The following ZYG11A variants were observed in gnomAD, a reference collection of about 807,000 sequenced individuals.
ZYG11A encodes zyg-11 family member A, cell cycle regulator, also known as protein zyg-11 homolog A.
In ZYG11A, 62 loss-of-function variants were observed where a neutral mutation model predicts 77.2. That is an observed-to-expected ratio of 0.80 (90% CI 0.65 to 0.99). The LOEUF (loss-of-function observed/expected upper bound fraction) is 0.99. Ranked by LOEUF, ZYG11A falls within the 50% of genes least tolerant of loss-of-function variation. The pLI, the probability that ZYG11A is intolerant of heterozygous loss-of-function variation, is 0.00. For synonymous variants in ZYG11A, 315 were observed against 324.6 expected, an observed-to-expected ratio of 0.97 and a Z score of 0.32; for missense variants, 828 against 896.8, an observed-to-expected ratio of 0.92 and a Z score of 0.98.
At position 52,874,951 on chromosome 1, in the gene ZYG11A, A is replaced by G. The variant is rs1646236271; in HGVS notation, c.1543-2731A>G. On this transcript the variant is annotated intron_variant, in intron 8 of 13. Transcript: ENST00000371528. ...ATTATAGTGTAAACATAGCTTTTGT[A>G]TGCAGTGGGAAAACAAATTTGTGTT... 5.9e-5 allele frequency among the ~76,000 whole-genome samples: 9 copies of G among 152,366 alleles called. No individual in the cohort carries two copies. In the South Asian group the frequency reaches 1.9e-3, roughly 32 times the overall value.
At chr1:52,859,667 CTTTTTTTTTTT>C (rs60756718) in intron 3 of ZYG11A, among the ~76,000 whole-genome samples, 6 of 42,906 alleles carry the variant, frequency 1.4e-4, no homozygotes, top group East Asian at 8.4e-4. Flanking sequence ...TGTGTATTGC[CTTTTTTTTTTT>C]TTTTTTTTTT....
chr1:52,869,992 G>C (rs1219068594), intron 8 of ZYG11A, among the ~76,000 whole-genome samples: 1 of 151,134 alleles, frequency 6.6e-6, no homozygotes, highest in Non-Finnish European at 1.5e-5. Context: ...CCCGGGCGGG[G>C]CGGCTGCCGG....
intron 5 of ZYG11A, among the ~76,000 whole-genome samples, chr1:52,865,451 A>C (rs75435337): frequency 0.027 from 4,051 of 152,318 alleles, 142 homozygotes; most frequent in East Asian, 0.18. Flanking sequence ...TAAACTACCT[A>C]GTCATTCCAC....
intron 11 of ZYG11A, among the ~76,000 whole-genome samples, chr1:52,884,858 G>C (rs1646420119): frequency 6.6e-6 from 1 of 151,968 alleles, no homozygotes. Context: ...GAAGAAATCG[G>C]GGAGTCCGAA....
chr1:52,843,980 C>G (rs1313076754), intron 1 of ZYG11A, among the ~76,000 whole-genome samples: 1 of 151,998 alleles, frequency 6.6e-6, no homozygotes, highest in Admixed American at 6.5e-5. Context: ...GCCACCGTGC[C>G]CGGCCAAGTG....
intron 3 of ZYG11A, among the ~76,000 whole-genome samples, chr1:52,859,709 G>T (rs1327285228): frequency 8.4e-6 from 1 of 119,620 alleles, no homozygotes. Flanking sequence ...ACAGAGTCTC[G>T]GTCTGTCACC....
chr1:52,869,891 G>T (rs1174703242), intron 8 of ZYG11A, among the ~76,000 whole-genome samples: 32 of 100,004 alleles, frequency 3.2e-4, no homozygotes, highest in African/African-American at 6.4e-4. Flanking sequence ...CGGACGGGGC[G>T]GCTGGCCGGG....
intron 1 of ZYG11A, among the ~76,000 whole-genome samples, chr1:52,851,143 C>G (rs1645702492): frequency 6.6e-6 from 1 of 151,778 alleles, no homozygotes; most frequent in Non-Finnish European, 1.5e-5. Context: ...CTCCTGGGCT[C>G]AAGCAATTCT....
At chr1:52,854,357 G>C (rs536531913) in intron 1 of ZYG11A, 108 bp from the exon 2 acceptor site, 25 of 1,007,010 alleles carry the variant, frequency 2.5e-5, no homozygotes, top group Non-Finnish European at 3.5e-5. Context: ...TATGAAGGAT[G>C]TATCTTCAGA....
At position 52,842,836 on chromosome 1, in the gene ZYG11A, C is replaced by G. The variant is rs1263793413; in HGVS notation, c.-48C>G. On this transcript the variant is annotated 5_prime_UTR_variant, in exon 1 of 14. Coordinates refer to ENST00000371528, the MANE Select transcript of ZYG11A (RefSeq NM_001004339.3). Reference sequence around the variant, plus strand: ...GCTTGGTTCTCGCGGGATCCGGGCTCCGGCTCGACGCCGGCTCTCTTTTTG... The same window carrying G: ...GCTTGGTTCTCGCGGGATCCGGGCTGCGGCTCGACGCCGGCTCTCTTTTTG... 2.0e-6 allele frequency: 3 copies of G among 1,513,112 alleles called. No individual in the cohort carries two copies. The highest frequency in any genetic ancestry group is 1.2e-5 in the South Asian group (1 of 80,890). 93.7% of individuals were successfully genotyped at this position (1,513,112 alleles called of 1,614,324 possible).
intron 1 of ZYG11A, among the ~76,000 whole-genome samples, chr1:52,843,759 C>T (rs1254887646): frequency 1.4e-5 from 2 of 146,212 alleles, no homozygotes; most frequent in Non-Finnish European, 3.0e-5. Context: ...CGATCTGGGC[C>T]CACTGCAACC....
At chr1:52,850,566 C>T (rs531452190) in intron 1 of ZYG11A, among the ~76,000 whole-genome samples, 1 of 152,186 alleles carries the variant, frequency 6.6e-6, no homozygotes, top group Admixed American at 6.6e-5. Context: ...GATTCGCCTG[C>T]CTCAGCCTCC....
intron 8 of ZYG11A, among the ~76,000 whole-genome samples, chr1:52,876,510 G>GA (rs1285414082): frequency 2.0e-5 from 3 of 152,046 alleles, no homozygotes; most frequent in Non-Finnish European, 4.4e-5. Flanking sequence ...GGCCTCAGTT[G>GA]AAAAAATGGT....
intron 8 of ZYG11A, among the ~76,000 whole-genome samples, chr1:52,873,123 C>G (rs2150011435): frequency 6.6e-6 from 1 of 151,756 alleles, no homozygotes; most frequent in South Asian, 2.1e-4. Context: ...AATTTGAGAC[C>G]AGCCTGGGCA....
intron 4 of ZYG11A, among the ~76,000 whole-genome samples, chr1:52,862,946 G>C (rs939325082): frequency 6.6e-6 from 1 of 152,082 alleles, no homozygotes; most frequent in African/African-American, 2.4e-5. Context: ...ACCATGCCTG[G>C]CTGTTTTTTT....
Position 52,867,712 on chromosome 1 carries a change from T to A in ZYG11A, c.1492-15T>A. 2 of 1,551,582 alleles carry A rather than the reference T, an allele frequency of 1.3e-6. No individual in the cohort carries two copies. The highest frequency in any genetic ancestry group is 1.7e-6 in the Non-Finnish European group (2 of 1,146,930). On this transcript the variant is annotated splice_polypyrimidine_tract_variant and intron_variant, in intron 7 of 13. Coordinates refer to ENST00000371528, the MANE Select transcript of ZYG11A (RefSeq NM_001004339.3). ...AGGTTCCATAGTTCACTTGAGCCTT[T>A]CTGTTTGCTTATAGCTCTCACCTGA...
At chr1:52,859,055 ATT>A (rs1017487875) in intron 3 of ZYG11A, among the ~76,000 whole-genome samples, 7 of 152,116 alleles carry the variant, frequency 4.6e-5, no homozygotes, top group African/African-American at 1.7e-4. Flanking sequence ...CAATTGTTGT[ATT>A]TTAATTAATT....
chr1:52,846,367 T>TATATATATATATA (rs1174758541), intron 1 of ZYG11A, among the ~76,000 whole-genome samples: 2 of 122,650 alleles, frequency 1.6e-5, no homozygotes, highest in Non-Finnish European at 3.3e-5. Context: ...TATATATATA[T>TATATATATATATA]TTTGAAACAG....
chr1:52,881,194 T>A (rs1571876322), intron 10 of ZYG11A: 1 of 215,404 alleles, frequency 4.6e-6, no homozygotes, highest in Middle Eastern at 1.6e-3. Flanking sequence ...TAGTAGTATT[T>A]TAAAGATTAA....
Sources: gnomAD v4.1 joint callset for allele counts (sites outside exome capture counted in the v4.1 genomes callset) on GRCh38, gnomAD v4.1.1 for gene constraint, MANE v1.5 for transcripts, NCBI Gene and HGNC (gene_info 2026-07-23, HGNC 2026-07-21) for gene names.